Variants in PTPRN2 observed in about 807,000 individuals in gnomAD.
The protein encoded by PTPRN2 is receptor-type tyrosine-protein phosphatase N2.
PTPRN2 carries 74 observed loss-of-function variants against 118.8 expected under a neutral mutation model. The observed-to-expected ratio is 0.62, with a 90% confidence interval of 0.52 to 0.76. The LOEUF (loss-of-function observed/expected upper bound fraction) is 0.76, where lower values mean the gene tolerates loss of function less well. Among genes scored for constraint, PTPRN2 ranks in the 30% least tolerant of loss-of-function variants. The pLI, the probability that PTPRN2 is intolerant of heterozygous loss-of-function variation, is 0.00. For synonymous variants in PTPRN2, 641 were observed against 608.0 expected, an observed-to-expected ratio of 1.05 and a Z score of -0.80; for missense variants, 1,481 against 1,394.4, an observed-to-expected ratio of 1.06 and a Z score of -0.99.
At chr7:158,004,774 CTG>C (rs1437778190) in intron 11 of PTPRN2, among the ~76,000 whole-genome samples, 10 of 152,196 alleles carry the variant, frequency 6.6e-5, no homozygotes, top group African/African-American at 2.4e-4. Context: ...TTCTGTGACT[CTG>C]AGTTCATTTT....
chr7:157,566,770 C>G (rs762684481), intron 21 of PTPRN2, among the ~76,000 whole-genome samples: 10 of 152,354 alleles, frequency 6.6e-5, no homozygotes, highest in Non-Finnish European at 1.5e-4. Flanking sequence ...ACCGGGGTCT[C>G]GAACCCAGGA....
At chr7:157,791,074 T>G (rs965826760) in intron 12 of PTPRN2, among the ~76,000 whole-genome samples, 1 of 152,246 alleles carries the variant, frequency 6.6e-6, no homozygotes, top group East Asian at 1.9e-4. Flanking sequence ...CCGTTTCTTA[T>G]AATCTAATTG....
At chr7:158,337,144 C>A (rs1217103442) in intron 2 of PTPRN2, among the ~76,000 whole-genome samples, 240 of 151,674 alleles carry the variant, frequency 1.6e-3, no homozygotes, top group African/African-American at 5.5e-3. Context: ...TACAGCCATA[C>A]TCTCACCATA....
chr7:158,506,639 G>C (rs1010457828), intron 1 of PTPRN2, among the ~76,000 whole-genome samples: 1 of 151,916 alleles, frequency 6.6e-6, no homozygotes, highest in Admixed American at 6.6e-5. Flanking sequence ...GGCCACCAAG[G>C]CAGTGGTGTG....
chr7:158,129,571 A>AACACACACCACACATCACTACATTACC (rs1818004753), intron 9 of PTPRN2, among the ~76,000 whole-genome samples: 1 of 151,920 alleles, frequency 6.6e-6, no homozygotes, highest in Admixed American at 6.6e-5. Context: ...TACCACATGC[A>AACACACACCACACATCACTACATTACC]ACACACACCA....
intron 9 of PTPRN2, among the ~76,000 whole-genome samples, chr7:158,132,183 C>T (rs976116792): frequency 6.2e-5 from 9 of 146,166 alleles, no homozygotes; most frequent in African/African-American, 2.5e-4. Flanking sequence ...CACACATATA[C>T]ACACACACGC....
At chr7:157,981,761 C>G (rs747555853) in intron 11 of PTPRN2, among the ~76,000 whole-genome samples, 2 of 152,248 alleles carry the variant, frequency 1.3e-5, no homozygotes. Context: ...AGCAATACTT[C>G]GGAAAGGCAC....
In PTPRN2 at chr7:158,338,219, C is replaced by G. The variant is rs1806066809; in HGVS notation, c.164-21287G>C. Among the ~76,000 whole-genome samples, 3 of 80,812 alleles carry G rather than the reference C, an allele frequency of 3.7e-5. No individual in the cohort carries two copies. The East Asian group carries it at 1.2e-3, about 32-fold the overall frequency. The allele number at this position is 80,812 out of a possible 152,430, so 53.0% of individuals were successfully genotyped here. A position where few individuals can be genotyped will look rare whatever the true frequency, so the allele number is the denominator to read the frequency against. On this transcript the variant is annotated intron_variant, in intron 2 of 22. Transcript: ENST00000389418. ...TGCAGACGTCACTCACACCCACACT[C>G]TCACCATAATAGCTGTCGTCCGGAG... is the stretch of plus-strand genomic sequence containing the variant.
In PTPRN2 at chr7:157,766,551, A is replaced by C. The variant is rs1477827250; in HGVS notation, c.1789-83614T>G. On this transcript the variant is annotated intron_variant, in intron 12 of 22. Coordinates refer to ENST00000389418, the MANE Select transcript of PTPRN2 (RefSeq NM_002847.5). ...AAGAGACACGGGAGGAATCAGAAAA[A>C]GCTATTCTCAGAGCTTCTATCCTAG... is the stretch of plus-strand genomic sequence containing the variant. Among the ~76,000 whole-genome samples the C allele has an allele frequency of 2.6e-5, 4 of 152,218 alleles. No individual in the cohort carries two copies. In the East Asian group the frequency reaches 7.7e-4, roughly 29 times the overall value.
intron 13 of PTPRN2, among the ~76,000 whole-genome samples, chr7:157,672,542 C>A (rs1488677187): frequency 6.6e-6 from 1 of 152,164 alleles, no homozygotes; most frequent in Admixed American, 6.5e-5. Flanking sequence ...AAAGGTGATT[C>A]CAGGTCGGGA....
chr7:158,529,205 C>T lies in PTPRN2; in HGVS notation c.113-39420G>A, dbSNP rs893598754. On this transcript the variant is annotated intron_variant, in intron 1 of 22. Coordinates refer to ENST00000389418, the MANE Select transcript of PTPRN2 (RefSeq NM_002847.5). This position sits in a 1 kb window ranked among gnomAD's most constrained non-coding sequence, Gnocchi z 4.7. The stretch of plus-strand genomic sequence containing the variant: ...ACAGCACCTGGTGGGCACTAAGCAC[C>T]CGTCGCTGTTGGTCCTGGGGCTAAC... Among the ~76,000 whole-genome samples the T allele has an allele frequency of 6.6e-6, 1 of 152,238 alleles. No homozygotes were observed. Among genetic ancestry groups the T allele is most frequent in the East Asian group, 1.9e-4 (1 of 5,198 alleles).
chr7:157,656,901 AT>A (rs1806159062), intron 13 of PTPRN2, among the ~76,000 whole-genome samples: 1 of 145,818 alleles, frequency 6.9e-6, no homozygotes, highest in East Asian at 2.0e-4. Context: ...CACCACACAC[AT>A]CACACATATA....
At chr7:158,394,919 G>A (rs1310433195) in intron 2 of PTPRN2, among the ~76,000 whole-genome samples, 2 of 152,308 alleles carry the variant, frequency 1.3e-5, no homozygotes, top group East Asian at 3.9e-4. Context: ...TGTGCAGGCC[G>A]CATCTCTGCA....
chr7:158,411,532 C>T (rs934009988), intron 2 of PTPRN2, among the ~76,000 whole-genome samples: 1 of 152,180 alleles, frequency 6.6e-6, no homozygotes, highest in Non-Finnish European at 1.5e-5. Context: ...TGCTGTCGTC[C>T]CGGGAACAGG....
At chr7:158,097,963 A>C (rs1363077772) in intron 10 of PTPRN2, among the ~76,000 whole-genome samples, 1 of 152,060 alleles carries the variant, frequency 6.6e-6, no homozygotes, top group Admixed American at 6.6e-5. Context: ...GACAGGCAGC[A>C]CCGCGTGGCC....
intron 12 of PTPRN2, among the ~76,000 whole-genome samples, chr7:157,777,799 G>A (rs60467185): frequency 0.013 from 1,979 of 152,264 alleles, 38 homozygotes; most frequent in African/African-American, 0.045. Flanking sequence ...AAATAGAAAT[G>A]AAAATTTCTT....
At chr7:158,108,359 G>A (rs891546800) in intron 10 of PTPRN2, among the ~76,000 whole-genome samples, 2 of 152,002 alleles carry the variant, frequency 1.3e-5, no homozygotes, top group Non-Finnish European at 2.9e-5. Flanking sequence ...CTCTCTCTCA[G>A]CTCTAGTCAG....
intron 11 of PTPRN2, among the ~76,000 whole-genome samples, chr7:157,985,379 T>G (rs1307054212): frequency 6.6e-6 from 1 of 152,212 alleles, no homozygotes; most frequent in African/African-American, 2.4e-5. Context: ...AGGAAGCCAT[T>G]CTGTGTGTGT....
chr7:157,613,615 CCGCGTT>C (rs1802538092), intron 15 of PTPRN2, among the ~76,000 whole-genome samples: 1 of 152,218 alleles, frequency 6.6e-6, no homozygotes, highest in African/African-American at 2.4e-5. Flanking sequence ...GAGGAGGCCG[CCGCGTT>C]CCTTCCCCGG....
Sources: allele counts gnomAD v4.1 joint callset (sites outside exome capture counted in the v4.1 genomes callset), GRCh38; gene constraint gnomAD v4.1.1; non-coding constraint Gnocchi (gnomAD v3.1); transcripts MANE v1.5; gene names NCBI Gene and HGNC (gene_info 2026-07-23, HGNC 2026-07-21).